Variants in CNTN3 observed in about 807,000 individuals in gnomAD.
The protein encoded by CNTN3 is contactin-3.
Under a neutral mutation model 119.1 loss-of-function variants are expected in CNTN3, and 60 were observed. The observed-to-expected ratio is 0.50, with a 90% CI of 0.41 to 0.62. CNTN3 has a LOEUF of 0.62. Ranked by LOEUF, CNTN3 falls within the 20% of genes least tolerant of loss-of-function variation. CNTN3 has a pLI of 0.00. For synonymous variants in CNTN3, 450 were observed against 438.7 expected (o/e 1.03, Z -0.32); for missense variants, 1,101 against 1,242.4 (o/e 0.89, Z 1.71).
At chr3:74,302,221 T>C (rs1225117874) in intron 14 of CNTN3, among the ~76,000 whole-genome samples, 2 of 152,178 alleles carry the variant, frequency 1.3e-5, no homozygotes, top group African/African-American at 4.8e-5. Flanking sequence ...TATGACACAC[T>C]CTGGTCATTT....
At chr3:74,487,217 A>T (rs1702875552) in intron 3 of CNTN3, among the ~76,000 whole-genome samples, 1 of 152,198 alleles carries the variant, frequency 6.6e-6, no homozygotes, top group South Asian at 2.1e-4. Context: ...AGGTAAAGGC[A>T]CTAACCCCAG....
chr3:74,339,534 T>C (rs1312435782), intron 11 of CNTN3, among the ~76,000 whole-genome samples: 1 of 152,182 alleles, frequency 6.6e-6, no homozygotes, highest in Non-Finnish European at 1.5e-5. Flanking sequence ...CAAAACATTC[T>C]CTGTGCTTTC....
chr3:74,452,643 G>C (rs1192229602), intron 4 of CNTN3, among the ~76,000 whole-genome samples: 1 of 106,048 alleles, frequency 9.4e-6, no homozygotes, highest in Non-Finnish European at 2.0e-5. Context: ...TATGATATTG[G>C]CTGTGGGTTT....
intron 4 of CNTN3, among the ~76,000 whole-genome samples, chr3:74,461,095 C>T (rs1202507476): frequency 6.6e-6 from 1 of 151,676 alleles, no homozygotes; most frequent in Non-Finnish European, 1.5e-5. Context: ...CTGTGCCAAT[C>T]GACATGATCA....
At chr3:74,613,003 A>T (rs1026222782) in intron 1 of CNTN3, among the ~76,000 whole-genome samples, 1 of 152,224 alleles carries the variant, frequency 6.6e-6, no homozygotes, top group African/African-American at 2.4e-5. Context: ...AAAACCATGA[A>T]CCAAGATGCC....
At chr3:74,397,942 A>G (rs1705097208) in intron 5 of CNTN3, among the ~76,000 whole-genome samples, 1 of 152,190 alleles carries the variant, frequency 6.6e-6, no homozygotes, top group African/African-American at 2.4e-5. Context: ...ATTAGAGTCC[A>G]AAGATGTGAC....
At chr3:74,447,618 G>A (rs1260965458) in intron 4 of CNTN3, among the ~76,000 whole-genome samples, 1 of 152,166 alleles carries the variant, frequency 6.6e-6, no homozygotes, top group African/African-American at 2.4e-5. Context: ...TTAGTTAACA[G>A]GTCTGAGATT....
At chr3:74,551,016 T>C (rs1329620365) in intron 1 of CNTN3, among the ~76,000 whole-genome samples, 3 of 152,196 alleles carry the variant, frequency 2.0e-5, no homozygotes, top group African/African-American at 7.2e-5. Flanking sequence ...GACTAGCCTT[T>C]AGGAAACCAA....
intron 4 of CNTN3, among the ~76,000 whole-genome samples, chr3:74,452,266 T>C (rs1702173043): frequency 1.4e-5 from 2 of 138,970 alleles, no homozygotes; most frequent in South Asian, 2.3e-4. Context: ...TATTTTATTC[T>C]CTTTGAAGCA....
intron 1 of CNTN3, among the ~76,000 whole-genome samples, chr3:74,539,750 G>A (rs1024667599): frequency 2.0e-5 from 3 of 152,092 alleles, no homozygotes; most frequent in Admixed American, 1.3e-4. Context: ...TCTAAGAAGT[G>A]GATAGAGTGG....
chr3:74,548,473 T>TA (rs1676437264), intron 1 of CNTN3, among the ~76,000 whole-genome samples: 1 of 152,216 alleles, frequency 6.6e-6, no homozygotes, highest in Non-Finnish European at 1.5e-5. Context: ...AAGAATTTGT[T>TA]GACTCTGACT....
rs187982027 is a variant in CNTN3 at position 74,568,066 on chromosome 3, T to C, written c.-81+46325A>G. ...CAAAATAGAAAGAAATTTCTAAGCA[T>C]TTTAGAAGTCATCAACAGCAACTTT... On this transcript the variant is annotated intron_variant, in intron 1 of 22. Transcript: ENST00000263665. Among the ~76,000 whole-genome samples the C allele has an allele frequency of 4.3e-3, 655 of 152,268 alleles. 3 individuals are homozygous for C. The highest frequency in any genetic ancestry group is 7.1e-3 in the Non-Finnish European group (482 of 68,018).
chr3:74,418,342 C>CTTTTTTTTTTT lies in CNTN3; in HGVS notation c.454+6492_454+6502dup, dbSNP rs56258495. On this transcript the variant is annotated intron_variant, in intron 5 of 22. Transcript: ENST00000263665. ...CATGTCCACTGCAGAAAACATATTC[C>CTTTTTTTTTTT]TTTTTTTTTTTTTTTTTGAGTCAGA... 3.1e-3 allele frequency among the ~76,000 whole-genome samples: 305 copies of CTTTTTTTTTTT among 99,640 alleles called. 12 individuals carry two copies. The highest frequency in any genetic ancestry group is 3.5e-3 in the Non-Finnish European group (185 of 52,962). 65.4% of individuals were successfully genotyped at this position (99,640 alleles called of 152,430 possible).
chr3:74,298,218 C>A, intron 17 of CNTN3, 27 bp from the exon 18 acceptor site: 1 of 1,464,412 alleles, frequency 6.8e-7, no homozygotes, highest in Non-Finnish European at 9.2e-7. Context: ...TACTGAATCA[C>A]CCTTACACAT....
intron 20 of CNTN3, among the ~76,000 whole-genome samples, chr3:74,272,994 GA>G (rs970003164): frequency 2.0e-5 from 3 of 151,478 alleles, no homozygotes; most frequent in African/African-American, 4.8e-5. Flanking sequence ...CAATTTTTAA[GA>G]AAAAAATAGT....
In CNTN3 at chr3:74,411,325, T is replaced by G. The variant is rs189942081; in HGVS notation, c.454+13520A>C. On this transcript the variant is annotated intron_variant, in intron 5 of 22. Coordinates refer to ENST00000263665, the MANE Select transcript of CNTN3 (RefSeq NM_020872.3). ...CCTTTAGAGCACTCGGCAGAGGATATTTTGAAAATTACTGGTGAACCCTAT... is the reference window on the plus strand; with the variant it reads ...CCTTTAGAGCACTCGGCAGAGGATAGTTTGAAAATTACTGGTGAACCCTAT... Among the ~76,000 whole-genome samples, 17 of 152,248 alleles carry G rather than the reference T, an allele frequency of 1.1e-4. No homozygotes were observed. The East Asian group carries it at 2.7e-3, about 24-fold the overall frequency.
intron 22 of CNTN3, 106 bp from the exon 23 acceptor site, chr3:74,264,607 T>A: frequency 1.6e-6 from 1 of 630,624 alleles, no homozygotes; most frequent in Non-Finnish European, 2.7e-6. Flanking sequence ...TTTGTTGAAA[T>A]CCTAACCCTC....
chr3:74,278,904 C>T (rs968644591), intron 20 of CNTN3, among the ~76,000 whole-genome samples: 5 of 150,802 alleles, frequency 3.3e-5, no homozygotes, highest in African/African-American at 7.3e-5. Context: ...CTCAAATCAG[C>T]GGGAAAAAAA....
At chr3:74,422,406 T>C (rs1272410391) in intron 5 of CNTN3, among the ~76,000 whole-genome samples, 1 of 152,170 alleles carries the variant, frequency 6.6e-6, no homozygotes, top group Non-Finnish European at 1.5e-5. Context: ...TACACTGTCA[T>C]CCCAACCGAG....
Sources: gnomAD v4.1 joint callset for allele counts (sites outside exome capture counted in the v4.1 genomes callset) on GRCh38, gnomAD v4.1.1 for gene constraint, MANE v1.5 for transcripts, NCBI Gene and HGNC (gene_info 2026-07-23, HGNC 2026-07-21) for gene names.